Variants in THNSL1 observed in about 807,000 individuals in gnomAD.
THNSL1 encodes threonine synthase like 1, also known as threonine synthase-like 1.
In THNSL1, 48 loss-of-function variants were observed where a neutral mutation model predicts 50.4. That is an observed-to-expected ratio of 0.95 (90% CI 0.76 to 1.21). The LOEUF (loss-of-function observed/expected upper bound fraction) is 1.21. Among genes scored for constraint, THNSL1 ranks in the 50% most tolerant of loss-of-function variants. THNSL1 has a pLI of 0.00. For missense variants in THNSL1, 896 were observed against 871.7 expected, an observed-to-expected ratio of 1.03 and a Z score of -0.35; for synonymous variants, 309 against 306.1, an observed-to-expected ratio of 1.01 and a Z score of -0.10.
chr10:25,014,395 C>G (rs1370820294), upstream of THNSL1, among the ~76,000 whole-genome samples: 2 of 151,976 alleles, frequency 1.3e-5, no homozygotes, highest in African/African-American at 4.8e-5. Flanking sequence ...CATAGTAAAA[C>G]CAAGAAGTCT....
the THNSL1 span, among the ~76,000 whole-genome samples, chr10:24,959,534 C>T: frequency 6.6e-6 from 1 of 152,182 alleles, no homozygotes; most frequent in Non-Finnish European, 1.5e-5. Context: ...CGTTTTGATT[C>T]ATTAGGTTTG....
the THNSL1 span, among the ~76,000 whole-genome samples, chr10:24,973,889 G>T: frequency 1.1e-4 from 17 of 152,102 alleles, no homozygotes; most frequent in Middle Eastern, 3.2e-3. Context: ...GAGTAGCTGG[G>T]ATTACAGGCG....
At position 25,024,861 on chromosome 10, in the gene THNSL1, A is replaced by T; in HGVS notation, c.1638A>T (p.Thr546=). Residue 546 remains threonine, a synonymous_variant, in exon 3 of 3, where the codon ACA becomes ACT. Transcript: ENST00000376356. ...ATGTTTTGACTGATTTTATAAAAAC[A>T]GGACATTATGATCTAAGGGAAAGAA... The part of the protein sequence containing the change: ...QNHVLTDFIK[T]GHYDLRERKL... 6.2e-7 allele frequency: 1 copy of T among 1,614,124 alleles called. No individual in the cohort carries two copies. The highest frequency in any genetic ancestry group is 8.5e-7 in the Non-Finnish European group (1 of 1,180,032).
the THNSL1 span, among the ~76,000 whole-genome samples, chr10:24,957,013 A>G: frequency 6.6e-6 from 1 of 152,126 alleles, no homozygotes; most frequent in Admixed American, 6.5e-5. Flanking sequence ...TCCCCCCTCA[A>G]AATCCGTGGA....
At position 25,023,482 on chromosome 10, in the gene THNSL1, G is replaced by A; in HGVS notation, c.259G>A (p.Asp87Asn). The A allele has an allele frequency of 6.2e-7, 1 of 1,614,150 alleles. No individual in the cohort carries two copies. The highest frequency in any genetic ancestry group is 8.5e-7 in the Non-Finnish European group (1 of 1,180,006). The change falls in exon 3 of 3, where the codon GAT becomes AAT. Residue 87 changes from aspartate (D) to asparagine (N), a missense_variant. Physicochemically the swap from Asp to Asn is conservative, Grantham distance 23. Coordinates refer to ENST00000376356, the MANE Select transcript of THNSL1 (RefSeq NM_024838.5). ...QKLGCCVIDV[D>N]DDILEKTWNM... Reference sequence around the variant, plus strand: ...ACTAGGTTGTTGTGTCATAGATGTGGATGATGATATCCTTGAAAAAACCTG... The same window carrying A: ...ACTAGGTTGTTGTGTCATAGATGTGAATGATGATATCCTTGAAAAAACCTG...
At chr10:25,004,698 C>A in the THNSL1 span, among the ~76,000 whole-genome samples, 2 of 152,074 alleles carry the variant, frequency 1.3e-5, no homozygotes, top group Admixed American at 1.3e-4. Context: ...CAAAAATTTT[C>A]TCCCATTCTG....
Position 25,025,000 on chromosome 10 carries a change from C to A in THNSL1, c.1777C>A (p.Arg593=), listed in dbSNP as rs758361501. 6.2e-7 allele frequency: 1 copy of A among 1,614,014 alleles called. No homozygotes were observed. The highest frequency in any genetic ancestry group is 1.3e-5 in the African/African-American group (1 of 74,902). Residue 593 remains arginine, a synonymous_variant, in exon 3 of 3, where the codon CGA becomes AGA. Coordinates refer to ENST00000376356, the MANE Select transcript of THNSL1 (RefSeq NM_024838.5). The part of the protein sequence containing the change: ...DGQLMTELFN[R]LESQHHFQIE... ...ACAGCTAATGACAGAATTATTTAAT[C>A]GATTAGAAAGTCAGCATCATTTCCA...
At chr10:24,955,627 T>C in the THNSL1 span, among the ~76,000 whole-genome samples, 1 of 152,170 alleles carries the variant, frequency 6.6e-6, no homozygotes, top group African/African-American at 2.4e-5. Flanking sequence ...TTATTCCATG[T>C]GAAAATGACA....
the THNSL1 span, among the ~76,000 whole-genome samples, chr10:24,987,680 C>T: frequency 6.6e-6 from 1 of 152,146 alleles, no homozygotes; most frequent in Non-Finnish European, 1.5e-5. Flanking sequence ...CTGAAGTAGC[C>T]TCCCTTTGTT....
At chr10:24,990,559 C>T in the THNSL1 span, 2 of 1,613,510 alleles carry the variant, frequency 1.2e-6, no homozygotes, top group Non-Finnish European at 8.5e-7. Flanking sequence ...CTTGGGCTTT[C>T]TTTATTTCCT....
chr10:24,972,325 T>A, the THNSL1 span, among the ~76,000 whole-genome samples: 1 of 151,502 alleles, frequency 6.6e-6, no homozygotes, highest in Non-Finnish European at 1.5e-5. Context: ...CTGGCCAACA[T>A]GGTGAAACAC....
the THNSL1 span, among the ~76,000 whole-genome samples, chr10:24,968,162 G>T: frequency 6.6e-6 from 1 of 152,072 alleles, no homozygotes; most frequent in Non-Finnish European, 1.5e-5. Flanking sequence ...AAGAGCTTGG[G>T]CTATCATTCC....
chr10:25,010,391 G>T, the THNSL1 span, among the ~76,000 whole-genome samples: 1 of 152,080 alleles, frequency 6.6e-6, no homozygotes, highest in Non-Finnish European at 1.5e-5. Flanking sequence ...AGTGTTAAAA[G>T]CATTCAGTTT....
At chr10:24,969,236 C>T in the THNSL1 span, among the ~76,000 whole-genome samples, 1,348 of 152,300 alleles carry the variant, frequency 8.9e-3, 8 homozygotes, top group Non-Finnish European at 0.013. Flanking sequence ...TGTTTTCAGT[C>T]CTTAAGTAAG....
rs1320620374 is a variant in THNSL1, at chr10:25,023,166, T to C, written c.-48-10T>C. On this transcript the variant is annotated splice_polypyrimidine_tract_variant and intron_variant, in intron 2 of 2. Transcript: ENST00000376356. ...TTTGTTGTTTTTTGTTTGTTTTGTG[T>C]TTTGAAAAGGGCTAAAGCCAATTTT... 1 of 1,519,390 alleles carries C rather than the reference T, an allele frequency of 6.6e-7. No individual in the cohort carries two copies. The highest frequency in any genetic ancestry group is 8.8e-7 in the Non-Finnish European group (1 of 1,132,314). The allele number at this position is 1,519,390 out of a possible 1,614,324, so 94.1% of individuals were successfully genotyped here. A position where few individuals can be genotyped will look rare whatever the true frequency, so the allele number is the denominator to read the frequency against.
chr10:24,988,448 C>T, the THNSL1 span, among the ~76,000 whole-genome samples: 1 of 142,318 alleles, frequency 7.0e-6, no homozygotes, highest in African/African-American at 2.6e-5. Flanking sequence ...TTATATTGTA[C>T]ATATGTTATA....
At chr10:25,018,999 C>T (rs181143798) in intron 1 of THNSL1, among the ~76,000 whole-genome samples, 5 of 152,236 alleles carry the variant, frequency 3.3e-5, no homozygotes, top group Non-Finnish European at 5.9e-5. Flanking sequence ...TCCACCCTCA[C>T]CTCTGTTTCA....
At chr10:24,977,043 A>G in the THNSL1 span, among the ~76,000 whole-genome samples, 6 of 152,178 alleles carry the variant, frequency 3.9e-5, no homozygotes, top group Non-Finnish European at 7.4e-5. Context: ...TTAAAAATCA[A>G]TGAAAGCATT....
At chr10:24,985,315 T>C in the THNSL1 span, among the ~76,000 whole-genome samples, 2 of 152,230 alleles carry the variant, frequency 1.3e-5, no homozygotes, top group Non-Finnish European at 2.9e-5. Context: ...TTTTTTATCC[T>C]CATTCTTCAA....
Sources: allele counts gnomAD v4.1 joint callset (sites outside exome capture counted in the v4.1 genomes callset), GRCh38; gene constraint gnomAD v4.1.1; transcripts MANE v1.5; gene names NCBI Gene and HGNC (gene_info 2026-07-23, HGNC 2026-07-21).